FHIT: variants seen among roughly 807,000 people sequenced by gnomAD.
FHIT encodes fragile histidine triad diadenosine triphosphatase.
In FHIT, 19 loss-of-function variants were observed where a neutral mutation model predicts 17.9. The observed-to-expected ratio is 1.06, with a 90% CI of 0.74 to 1.56. FHIT has a LOEUF of 1.56. FHIT is among the 40% of genes most tolerant of loss of function. FHIT has a pLI of 0.00. For missense variants in FHIT, 248 were observed against 189.2 expected (o/e 1.31, Z -1.82); for synonymous variants, 81 against 69.7 (o/e 1.16, Z -0.81).
rs540228691 is a variant in FHIT, at chr3:60,468,158, CTT to C, written c.103+68700_103+68701del. Among the ~76,000 whole-genome samples the C allele has an allele frequency of 3.7e-3, 570 of 152,072 alleles. 4 individuals carry two copies. The highest frequency in any genetic ancestry group is 0.013 in the African/African-American group (552 of 41,534). ...TCATGCAACATCTTCTTCCATATCT[CTT>C]TATTTTTAGTCTATGTGTGTCTTTA... On this transcript the variant is annotated intron_variant, in intron 5 of 9. Coordinates refer to ENST00000492590, the MANE Select transcript of FHIT (RefSeq NM_002012.4).
chr3:60,051,769 A>G (rs1363296757), intron 5 of FHIT, among the ~76,000 whole-genome samples: 1 of 152,190 alleles, frequency 6.6e-6, no homozygotes, highest in Non-Finnish European at 1.5e-5. Flanking sequence ...CAGTGTATAC[A>G]GGATTCTACT....
intron 2 of FHIT, among the ~76,000 whole-genome samples, chr3:61,108,002 T>G (rs72877876): frequency 0.015 from 2,266 of 152,296 alleles, 50 homozygotes; most frequent in African/African-American, 0.05. Context: ...ACCTTTAGGC[T>G]GAACTTAAAA....
intron 3 of FHIT, among the ~76,000 whole-genome samples, chr3:61,040,390 A>C (rs2033450257): frequency 6.6e-6 from 1 of 152,240 alleles, no homozygotes; most frequent in Non-Finnish European, 1.5e-5. Context: ...CAATTTAGGA[A>C]AAATGGATAA....
intron 5 of FHIT, among the ~76,000 whole-genome samples, chr3:60,071,951 C>G (rs1702792526): frequency 6.6e-6 from 1 of 152,200 alleles, no homozygotes; most frequent in African/African-American, 2.4e-5. Context: ...TCTCTTTTGC[C>G]TTCCACCATG....
At chr3:60,376,687 T>C (rs1700574172) in intron 5 of FHIT, among the ~76,000 whole-genome samples, 1 of 152,214 alleles carries the variant, frequency 6.6e-6, no homozygotes, top group Non-Finnish European at 1.5e-5. Flanking sequence ...AAATGACACA[T>C]TTTATCTTTA....
chr3:59,802,431 G>T (rs1700033448), intron 8 of FHIT, among the ~76,000 whole-genome samples: 1 of 152,142 alleles, frequency 6.6e-6, no homozygotes, highest in African/African-American at 2.4e-5. Context: ...AGTAACTGAA[G>T]AATCACAAAA....
At chr3:60,492,151 T>C (rs959083450) in intron 5 of FHIT, among the ~76,000 whole-genome samples, 4 of 152,210 alleles carry the variant, frequency 2.6e-5, no homozygotes, top group African/African-American at 9.6e-5. Context: ...TCCTATTGTG[T>C]TCAAGTCTAC....
At chr3:59,852,171 G>C (rs1215348400) in intron 8 of FHIT, among the ~76,000 whole-genome samples, 1 of 152,108 alleles carries the variant, frequency 6.6e-6, no homozygotes, top group East Asian at 1.9e-4. Flanking sequence ...AAACTAGCTG[G>C]AGGCCTTCAG....
chr3:60,516,429 A>G (rs2035160329), intron 5 of FHIT, among the ~76,000 whole-genome samples: 1 of 152,146 alleles, frequency 6.6e-6, no homozygotes, highest in Admixed American at 6.5e-5. Flanking sequence ...CCTCATATAG[A>G]CATATAGTTG....
intron 5 of FHIT, among the ~76,000 whole-genome samples, chr3:60,448,432 AGAG>A (rs1440598805): frequency 1.3e-5 from 2 of 152,250 alleles, no homozygotes; most frequent in Non-Finnish European, 2.9e-5. Context: ...AATAAAAAGA[AGAG>A]CATTTTCTGT....
intron 5 of FHIT, among the ~76,000 whole-genome samples, chr3:60,353,125 A>T (rs1353608029): frequency 6.6e-6 from 1 of 152,112 alleles, no homozygotes; most frequent in Non-Finnish European, 1.5e-5. Context: ...TCTTAATATT[A>T]TTTTACCAAC....
chr3:59,908,850 T>TTTTTTTTTTTTTGAG (rs1553712872), intron 8 of FHIT, among the ~76,000 whole-genome samples: 1 of 150,092 alleles, frequency 6.7e-6, no homozygotes, highest in Non-Finnish European at 1.5e-5. Flanking sequence ...TTTCATTTTT[T>TTTTTTTTTTTTTGAG]AATAGTCCAA....
intron 1 of FHIT, among the ~76,000 whole-genome samples, chr3:61,202,470 C>A (rs905090316): frequency 6.6e-6 from 1 of 151,580 alleles, no homozygotes; most frequent in African/African-American, 2.4e-5. Flanking sequence ...CTGTTCTTCC[C>A]CAAGTTTGCA....
At chr3:60,029,901 G>GTC (rs1553655758) in intron 5 of FHIT, among the ~76,000 whole-genome samples, 4 of 143,152 alleles carry the variant, frequency 2.8e-5, no homozygotes, top group African/African-American at 8.5e-5. Flanking sequence ...GTGTGTCTGT[G>GTC]TGTGTGTGTG....
intron 5 of FHIT, among the ~76,000 whole-genome samples, chr3:60,206,142 AAAAAAT>A (rs1291321057): frequency 4.4e-5 from 6 of 135,324 alleles, no homozygotes; most frequent in East Asian, 2.1e-4. Context: ...CAAAAAAAAA[AAAAAAT>A]AAATAATAAT....
chr3:60,050,401 A>G (rs212047), intron 5 of FHIT, among the ~76,000 whole-genome samples: 7,616 of 152,246 alleles, frequency 0.05, 240 homozygotes, highest in South Asian at 0.081. Flanking sequence ...TTCGCCTTCC[A>G]TATTTGGATC....
intron 3 of FHIT, among the ~76,000 whole-genome samples, chr3:60,877,991 T>A (rs1704749801): frequency 6.6e-6 from 1 of 152,102 alleles, no homozygotes; most frequent in Non-Finnish European, 1.5e-5. Flanking sequence ...TACATAGTTC[T>A]TCATTCTCAG....
intron 4 of FHIT, among the ~76,000 whole-genome samples, chr3:60,821,241 G>A (rs2736746): frequency 0.52 from 79,327 of 151,400 alleles, 21,591 homozygotes; most frequent in East Asian, 0.85. Context: ...CTCCCAAAGT[G>A]CTGGGATTAC....
chr3:60,019,294 C>G (rs936537654), intron 5 of FHIT, among the ~76,000 whole-genome samples: 1 of 151,938 alleles, frequency 6.6e-6, no homozygotes, highest in East Asian at 1.9e-4. Context: ...GGAAAGATGA[C>G]AGTCAAAAGG....
Sources: gnomAD v4.1 joint callset for allele counts (sites outside exome capture counted in the v4.1 genomes callset) on GRCh38, gnomAD v4.1.1 for gene constraint, MANE v1.5 for transcripts, NCBI Gene and HGNC (gene_info 2026-07-23, HGNC 2026-07-21) for gene names.